PDZRN3: variants seen among roughly 807,000 people sequenced by gnomAD.
PDZRN3 encodes E3 ubiquitin-protein ligase PDZRN3.
A neutral mutation model predicts 85.7 loss-of-function variants in PDZRN3; 38 were observed. That is an observed-to-expected ratio of 0.44 (90% CI 0.34 to 0.58). The LOEUF (loss-of-function observed/expected upper bound fraction) is 0.58. Ranked by LOEUF, PDZRN3 falls within the 20% of genes least tolerant of loss-of-function variation. The pLI, the probability that PDZRN3 is intolerant of heterozygous loss-of-function variation, is 0.01. For missense variants in PDZRN3, 1,629 were observed against 1,506.4 expected (o/e 1.08, Z -1.35); for synonymous variants, 759 against 638.0 (o/e 1.19, Z -2.86).
Position 73,383,506 on chromosome 3 carries a change from C to T in PDZRN3, c.3060G>A (p.Leu1020=), listed in dbSNP as rs538101633. The T allele has an allele frequency of 6.2e-6, 10 of 1,614,182 alleles. No homozygotes were observed. The South Asian group carries it at 9.9e-5, about 16-fold the overall frequency. ...TCTTCTTCATCATCTTTTTGTGGCT[C>T]AGTTCGAGAATGTTCATCTCCTTCC... ...DDRKEMNILE[L]SHKKMMKKRN... Residue 1020 remains leucine (L), a synonymous_variant, in exon 10 of 10, where the codon CTG becomes CTA. Coordinates refer to ENST00000263666, the MANE Select transcript of PDZRN3 (RefSeq NM_015009.3).
intron 3 of PDZRN3, among the ~76,000 whole-genome samples, chr3:73,511,406 C>T (rs192624956): frequency 4.9e-5 from 7 of 143,818 alleles, no homozygotes; most frequent in African/African-American, 2.1e-4. Context: ...GTCGGCTGGG[C>T]CCCCCGTCTG....
intron 3 of PDZRN3, 56 bp downstream of exon 3, chr3:73,602,298 G>C: frequency 1.0e-6 from 1 of 952,384 alleles, no homozygotes; most frequent in Non-Finnish European, 1.7e-6. Flanking sequence ...CTTTGAGCTA[G>C]ACGAAGATGG....
rs1430652449 is a variant in PDZRN3 at position 73,449,844 on chromosome 3, T to TA, written c.919-45450dup. 2.6e-5 allele frequency among the ~76,000 whole-genome samples: 4 copies of TA among 152,236 alleles called. No homozygotes were observed. In the East Asian group the frequency reaches 5.8e-4, roughly 22 times the overall value. On this transcript the variant is annotated intron_variant, in intron 3 of 9. Coordinates refer to ENST00000263666, the MANE Select transcript of PDZRN3 (RefSeq NM_015009.3). Reference sequence around the variant, plus strand: ...CTAAAAAATGCTTCAGTCTGGGGTGTAAGAAAAGCCTGTTCTAACTGCATG... The same window carrying TA: ...CTAAAAAATGCTTCAGTCTGGGGTGTAAAGAAAAGCCTGTTCTAACTGCATG...
chr3:73,432,039 C>G (rs774787291), intron 3 of PDZRN3, among the ~76,000 whole-genome samples: 1 of 152,180 alleles, frequency 6.6e-6, no homozygotes, highest in Non-Finnish European at 1.5e-5. Flanking sequence ...AAAAGCAAAA[C>G]ATTTTTAAAA....
At chr3:73,560,344 A>G (rs1701790874) in intron 3 of PDZRN3, among the ~76,000 whole-genome samples, 1 of 152,162 alleles carries the variant, frequency 6.6e-6, no homozygotes, top group Non-Finnish European at 1.5e-5. Context: ...GGAAAGAGAG[A>G]GTGAGCGGAA....
At chr3:73,464,381 T>C (rs1279911927) in intron 3 of PDZRN3, among the ~76,000 whole-genome samples, 2 of 152,190 alleles carry the variant, frequency 1.3e-5, no homozygotes, top group Non-Finnish European at 2.9e-5. Context: ...TAGTTGGTTA[T>C]TATTGGTATA....
intron 3 of PDZRN3, among the ~76,000 whole-genome samples, chr3:73,567,351 T>G (rs1244251232): frequency 6.6e-6 from 1 of 152,158 alleles, no homozygotes; most frequent in East Asian, 1.9e-4. Context: ...TATGTGAATA[T>G]GAGAATGATC....
intron 3 of PDZRN3, among the ~76,000 whole-genome samples, chr3:73,572,102 T>TAAAA (rs1702053955): frequency 1.3e-5 from 2 of 152,342 alleles, no homozygotes; most frequent in Admixed American, 6.5e-5. Flanking sequence ...AAAAGCAAGC[T>TAAAA]GGAGTGAATA....
chr3:73,387,027 G>A (rs1701409207), intron 8 of PDZRN3, among the ~76,000 whole-genome samples: 1 of 152,306 alleles, frequency 6.6e-6, no homozygotes, highest in South Asian at 2.1e-4. Context: ...TAGTGAATAA[G>A]TCTCATGAGA....
chr3:73,451,374 T>C (rs951185272), intron 3 of PDZRN3, among the ~76,000 whole-genome samples: 3 of 152,170 alleles, frequency 2.0e-5, no homozygotes, highest in African/African-American at 7.2e-5. Flanking sequence ...GGAAAGTCTT[T>C]TGGATGCAAA....
chr3:73,552,543 G>T (rs1311272424), intron 3 of PDZRN3, among the ~76,000 whole-genome samples: 1 of 152,068 alleles, frequency 6.6e-6, no homozygotes, highest in Non-Finnish European at 1.5e-5. Flanking sequence ...TGAGGTTTTT[G>T]CGCATGTGAG....
chr3:73,394,311 T>C (rs1370731068), intron 5 of PDZRN3, among the ~76,000 whole-genome samples: 2 of 152,158 alleles, frequency 1.3e-5, no homozygotes, highest in Non-Finnish European at 2.9e-5. Flanking sequence ...CCAGTTAGTG[T>C]TCATTTTAGA....
intron 2 of PDZRN3, among the ~76,000 whole-genome samples, chr3:73,604,465 T>A (rs1219460971): frequency 6.6e-6 from 1 of 152,118 alleles, no homozygotes; most frequent in Non-Finnish European, 1.5e-5. Context: ...GTGGTATGGC[T>A]CAGTTTCAAA....
At chr3:73,427,541 C>T (rs1702341719) in intron 3 of PDZRN3, among the ~76,000 whole-genome samples, 1 of 151,814 alleles carries the variant, frequency 6.6e-6, no homozygotes, top group Admixed American at 6.6e-5. Context: ...CCATATGTTT[C>T]CTTCTGCATG....
intron 3 of PDZRN3, among the ~76,000 whole-genome samples, chr3:73,593,473 G>A (rs1702389693): frequency 6.6e-6 from 1 of 152,114 alleles, no homozygotes; most frequent in South Asian, 2.1e-4. Flanking sequence ...CAGAGGATGG[G>A]AGAGACACTC....
intron 3 of PDZRN3, among the ~76,000 whole-genome samples, chr3:73,579,367 T>C (rs58805037): frequency 0.03 from 4,575 of 152,238 alleles, 222 homozygotes; most frequent in African/African-American, 0.1. Flanking sequence ...CCTACATAGA[T>C]AAAAGGTAGT....
At chr3:73,548,835 AACAGATGCTGGTGAAG>A (rs1701488469) in intron 3 of PDZRN3, among the ~76,000 whole-genome samples, 1 of 152,194 alleles carries the variant, frequency 6.6e-6, no homozygotes, top group Non-Finnish European at 1.5e-5. Flanking sequence ...AAAGCAGGAC[AACAGATGCTGGTGAAG>A]ACATAAGGAA....
intron 5 of PDZRN3, among the ~76,000 whole-genome samples, chr3:73,400,010 T>A (rs748759511): frequency 6.6e-6 from 1 of 152,224 alleles, no homozygotes; most frequent in Non-Finnish European, 1.5e-5. Context: ...CTACTGCCAC[T>A]GAACAATTCA....
chr3:73,459,298 G>A (rs1299390724), intron 3 of PDZRN3, among the ~76,000 whole-genome samples: 1 of 152,154 alleles, frequency 6.6e-6, no homozygotes, highest in Non-Finnish European at 1.5e-5. Context: ...AGATTTGGGT[G>A]GGGACACAGC....
Sources: allele counts gnomAD v4.1 joint callset (sites outside exome capture counted in the v4.1 genomes callset), GRCh38; gene constraint gnomAD v4.1.1; transcripts MANE v1.5; gene names NCBI Gene and HGNC (gene_info 2026-07-23, HGNC 2026-07-21).